HNRNPUL1: variants seen among roughly 807,000 people sequenced by gnomAD.
HNRNPUL1 encodes heterogeneous nuclear ribonucleoprotein U like 1.
A neutral mutation model predicts 108.5 loss-of-function variants in HNRNPUL1; 14 were observed. The observed-to-expected ratio is 0.13, with a 90% CI of 0.09 to 0.20. The LOEUF (loss-of-function observed/expected upper bound fraction) is 0.20, where lower values mean the gene tolerates loss of function less well. HNRNPUL1 is among the 10% of genes least tolerant of loss of function. The pLI is 1.00. For missense variants in HNRNPUL1, 804 were observed against 1,168.3 expected (o/e 0.69, Z 4.55); for synonymous variants, 422 against 445.2 (o/e 0.95, Z 0.66).
In HNRNPUL1 at chr19:41,294,826, A is replaced by G; in HGVS notation, c.1518+140A>G. 1.0e-6 allele frequency: 1 copy of G among 959,328 alleles called. No homozygotes were observed. Among genetic ancestry groups the G allele is most frequent in the Non-Finnish European group, 1.6e-6 (1 of 636,274 alleles). 59.4% of individuals were successfully genotyped at this position (959,328 alleles called of 1,614,324 possible). The stretch of plus-strand genomic sequence containing the variant: ...CTAGTCGGGGGGGTCAGACCTTGTC[A>G]TACATGATGACATGGTACTACACAC... On this transcript the variant is annotated intron_variant, in intron 10 of 14. Coordinates refer to ENST00000392006, the MANE Select transcript of HNRNPUL1 (RefSeq NM_007040.6). This position sits in a 1 kb window ranked among gnomAD's most constrained non-coding sequence, Gnocchi z 4.3.
chr19:41,282,782 C>T (rs1206196962), intron 7 of HNRNPUL1, among the ~76,000 whole-genome samples: 1 of 148,932 alleles, frequency 6.7e-6, no homozygotes, highest in Non-Finnish European at 1.5e-5. Flanking sequence ...CTCCGCCTCC[C>T]GGGTTCACGC....
intron 14 of HNRNPUL1, among the ~76,000 whole-genome samples, 163 bp downstream of exon 14, chr19:41,306,030 C>T (rs563790737): frequency 6.6e-6 from 1 of 152,308 alleles, no homozygotes; most frequent in Admixed American, 6.5e-5. Context: ...AACACTTCTG[C>T]ACTGGTTGCT....
chr19:41,271,384 G>T (rs2035228260), intron 2 of HNRNPUL1, among the ~76,000 whole-genome samples: 1 of 152,226 alleles, frequency 6.6e-6, no homozygotes, highest in South Asian at 2.1e-4. Flanking sequence ...CAGGATGGCT[G>T]AGCACCATCC....
At chr19:41,303,909 C>G in intron 12 of HNRNPUL1, 63 bp from the exon 13 acceptor site, 1 of 1,556,872 alleles carries the variant, frequency 6.4e-7, no homozygotes, top group Non-Finnish European at 8.7e-7. Context: ...CCAAGACAAC[C>G]CAGTTCCCTG....
chr19:41,305,605 A>G, intron 13 of HNRNPUL1, 71 bp from the exon 14 acceptor site: 2 of 1,594,292 alleles, frequency 1.3e-6, no homozygotes, highest in East Asian at 2.2e-5. Context: ...CCCTTTTTCC[A>G]TCCCAGCATT....
At chr19:41,299,969 C>T (rs974397773) in intron 10 of HNRNPUL1, among the ~76,000 whole-genome samples, 2 of 152,118 alleles carry the variant, frequency 1.3e-5, no homozygotes, top group African/African-American at 4.8e-5. Flanking sequence ...CACGTGGACT[C>T]ATTCAGTCCT....
rs975007400 is a variant in HNRNPUL1, at chr19:41,264,610, C to G, written c.107C>G (p.Ala36Gly). 11 of 1,579,084 alleles carry G rather than the reference C, an allele frequency of 7.0e-6. No homozygotes were observed. The highest frequency in any genetic ancestry group is 1.4e-5 in the African/African-American group (1 of 73,250). Residue 36 changes from alanine (A) to glycine (G), a missense_variant, in exon 1 of 15, where the codon GCG becomes GGG. Transcript: ENST00000392006. ...KAELAERLQA[A>G]LEAEEPDDER... Reference sequence around the variant, plus strand: ...GAGCTTGCTGAGCGGCTGCAGGCGGCGTTGGAGGCCGAGGAGCCTGACGAC... The same window carrying G: ...GAGCTTGCTGAGCGGCTGCAGGCGGGGTTGGAGGCCGAGGAGCCTGACGAC...
chr19:41,265,022 TCGGAGGTGAGGGA>T, intron 1 of HNRNPUL1: 1 of 1,313,740 alleles, frequency 7.6e-7, no homozygotes, highest in Middle Eastern at 3.0e-4. Flanking sequence ...CCTCTGGGTT[TCGGAGGTGAGGGA>T]CGGGGGTGGC....
chr19:41,290,978 G>A (rs981232007), intron 7 of HNRNPUL1, among the ~76,000 whole-genome samples: 2 of 152,208 alleles, frequency 1.3e-5, no homozygotes, highest in Admixed American at 1.3e-4. Context: ...CCCAGGAGGC[G>A]GAGGTTGTGG....
chr19:41,288,646 C>T lies in HNRNPUL1; in HGVS notation c.1000-3599C>T, dbSNP rs181903891. Among the ~76,000 whole-genome samples the T allele has an allele frequency of 4.2e-4, 64 of 152,262 alleles. No homozygotes were observed. In the Middle Eastern group the frequency reaches 0.014, roughly 32 times the overall value. ...TACCATAATTGATTTAACCTAGCGCCTCCCTTTGGTGGACATGTCGTTACT... is the reference window on the plus strand; with the variant it reads ...TACCATAATTGATTTAACCTAGCGCTTCCCTTTGGTGGACATGTCGTTACT... On this transcript the variant is annotated intron_variant, in intron 7 of 14. Transcript: ENST00000392006.
chr19:41,264,810 C>T lies in HNRNPUL1; in HGVS notation c.295+12C>T, dbSNP rs2034708738. 7 of 1,336,854 alleles carry T rather than the reference C, an allele frequency of 5.2e-6. No homozygotes were observed. The East Asian group carries it at 9.2e-5, about 18-fold the overall frequency. 82.8% of individuals were successfully genotyped at this position (1,336,854 alleles called of 1,614,324 possible). On this transcript the variant is annotated intron_variant, in intron 1 of 14. Coordinates refer to ENST00000392006, the MANE Select transcript of HNRNPUL1 (RefSeq NM_007040.6). ...GCCGGACGGACATTGTGAGAGTGCG[C>T]GGGGCGGGGGCCGGGGAGCCCGGAG... is the stretch of plus-strand genomic sequence containing the variant.
At chr19:41,302,219 T>TG (rs1555745987) in intron 11 of HNRNPUL1, among the ~76,000 whole-genome samples, 1 of 143,488 alleles carries the variant, frequency 7.0e-6, no homozygotes, top group Non-Finnish European at 1.5e-5. Context: ...TCTCTGTTTT[T>TG]TTTTTTTTTT....
intron 1 of HNRNPUL1, chr19:41,265,377 G>A (rs1458429583): frequency 1.3e-6 from 2 of 1,520,654 alleles, no homozygotes; most frequent in Non-Finnish European, 1.8e-6. Flanking sequence ...GGAGGCGCTG[G>A]TGTCTGTGGC....
intron 2 of HNRNPUL1, among the ~76,000 whole-genome samples, chr19:41,270,598 T>C (rs1299120339): frequency 6.9e-6 from 1 of 145,898 alleles, no homozygotes; most frequent in African/African-American, 2.6e-5. Flanking sequence ...CTTCCCTTTT[T>C]TTTTTTTTTT....
rs545165335 is a variant in HNRNPUL1 at position 41,292,410 on chromosome 19, C to T, written c.1165C>T (p.Pro389Ser). The T allele has an allele frequency of 5.0e-5, 80 of 1,614,044 alleles. 1 individual carries two copies. The South Asian group carries it at 8.7e-4, about 17-fold the overall frequency. The part of the protein sequence containing the change: ...VEFNFGQRAE[P>S]YCSVLPGFTF... ...GTTCAACTTCGGACAGAGAGCAGAG[C>T]CCTACTGTTCTGTCCTCCCGGGGTT... The change falls in exon 8 of 15, where the codon CCC becomes TCC. Residue 389 changes from proline (P) to serine (S), a missense_variant. Coordinates refer to ENST00000392006, the MANE Select transcript of HNRNPUL1 (RefSeq NM_007040.6). This position sits in a 1 kb window ranked among gnomAD's most constrained non-coding sequence, Gnocchi z 4.1.
intron 1 of HNRNPUL1, 33 bp from the exon 2 acceptor site, chr19:41,268,190 C>A: frequency 6.2e-7 from 1 of 1,607,642 alleles, no homozygotes; most frequent in Non-Finnish European, 8.5e-7. Flanking sequence ...ATGAACCGCC[C>A]CTCTAATTGG....
At chr19:41,282,045 G>C (rs1011658104) in intron 7 of HNRNPUL1, among the ~76,000 whole-genome samples, 7 of 152,194 alleles carry the variant, frequency 4.6e-5, no homozygotes, top group African/African-American at 1.7e-4. Flanking sequence ...GTTAACATTA[G>C]GAGTTATAAG....
intron 7 of HNRNPUL1, among the ~76,000 whole-genome samples, chr19:41,283,993 T>C (rs1358471477): frequency 1.3e-5 from 2 of 152,222 alleles, no homozygotes; most frequent in Non-Finnish European, 2.9e-5. Flanking sequence ...CTTAAAACAC[T>C]GTGTGTCATA....
At chr19:41,273,927 T>C in intron 3 of HNRNPUL1, 55 bp from the exon 4 acceptor site, 1 of 1,373,716 alleles carries the variant, frequency 7.3e-7, no homozygotes, top group African/African-American at 1.4e-5. Context: ...TTCATTTTCT[T>C]TCCTTTGTGC....
Sources: allele counts gnomAD v4.1 joint callset (sites outside exome capture counted in the v4.1 genomes callset), GRCh38; gene constraint gnomAD v4.1.1; non-coding constraint Gnocchi (gnomAD v3.1); transcripts MANE v1.5; gene names NCBI Gene and HGNC (gene_info 2026-07-23, HGNC 2026-07-21).